Variants in LCA5 observed in about 807,000 individuals in gnomAD.
LCA5 encodes lebercilin.
LCA5 carries 37 observed loss-of-function variants against 53.0 expected under a neutral mutation model. The ratio of observed to expected loss-of-function variants is 0.70; its 90% CI spans 0.54 to 0.92. The LOEUF (loss-of-function observed/expected upper bound fraction) is 0.92. Ranked by LOEUF, LCA5 falls within the 40% of genes least tolerant of loss-of-function variation. The pLI is 0.00. For synonymous variants in LCA5, 303 were observed against 282.9 expected (o/e 1.07, Z -0.71); for missense variants, 806 against 790.5 (o/e 1.02, Z -0.23).
rs761464780 is a variant in LCA5 at position 79,518,910 on chromosome 6, T to A, written c.-16A>T. ...TTTCCCCCATTGTTTTGAAAAATGG[T>A]CTCTATTCACATAATTTCACAGATT... is the stretch of plus-strand genomic sequence containing the variant. On this transcript the variant is annotated 5_prime_UTR_variant, in exon 2 of 8. Transcript: ENST00000369846. 1.9e-6 allele frequency: 3 copies of A among 1,612,138 alleles called. No individual in the cohort carries two copies. The highest frequency in any genetic ancestry group is 3.3e-5 in the Admixed American group (2 of 60,020).
At chr6:79,509,885 C>T (rs1437637837) in intron 3 of LCA5, among the ~76,000 whole-genome samples, 1 of 152,034 alleles carries the variant, frequency 6.6e-6, no homozygotes, top group Non-Finnish European at 1.5e-5. Context: ...ATACTATGTG[C>T]AAGATTGGAA....
intron 3 of LCA5, among the ~76,000 whole-genome samples, chr6:79,505,917 T>C (rs1770261092): frequency 6.6e-6 from 1 of 152,080 alleles, no homozygotes; most frequent in Non-Finnish European, 1.5e-5. Context: ...TCTAGGAAGA[T>C]AAACTAGGAA....
intron 3 of LCA5, among the ~76,000 whole-genome samples, chr6:79,511,525 G>A (rs946860993): frequency 1.3e-5 from 2 of 152,102 alleles, no homozygotes; most frequent in African/African-American, 4.8e-5. Flanking sequence ...TCTTGTGATG[G>A]AATTGGTCTA....
chr6:79,494,665 A>G (rs2127670163), intron 3 of LCA5, among the ~76,000 whole-genome samples: 2 of 152,322 alleles, frequency 1.3e-5, no homozygotes, highest in Middle Eastern at 6.8e-3. Flanking sequence ...TCAGTAAATA[A>G]AACCATAAAT....
rs981854431 is a variant in LCA5 at position 79,513,613 on chromosome 6, C to T, written c.319G>A (p.Ala107Thr). ...TDLVTKRILS[A>T]RLLKINELQN... ...AACTCATTGATTTTTAGCAGTCTTG[C>T]AGACAGAATCCGTTTTGTAACAAGA... The change falls in exon 3 of 8, where the codon GCA (alanine) becomes ACA (threonine). Residue 107 changes from alanine to threonine, a missense_variant. Transcript: ENST00000369846. The T allele has an allele frequency of 6.2e-7, 1 of 1,613,904 alleles. No homozygotes were observed.
chr6:79,533,910 T>A (rs566761934), intron 1 of LCA5, among the ~76,000 whole-genome samples: 5 of 151,888 alleles, frequency 3.3e-5, no homozygotes, highest in African/African-American at 1.2e-4. Flanking sequence ...GCAAAAGAGT[T>A]CACAAAACAG....
intron 3 of LCA5, among the ~76,000 whole-genome samples, chr6:79,499,721 T>C (rs1263448867): frequency 1.3e-5 from 2 of 151,592 alleles, no homozygotes; most frequent in Non-Finnish European, 2.9e-5. Context: ...ATACTTTAAG[T>C]TTTAGGGTAC....
intron 3 of LCA5, among the ~76,000 whole-genome samples, chr6:79,494,350 A>G (rs759602194): frequency 1.3e-5 from 2 of 152,174 alleles, no homozygotes; most frequent in African/African-American, 2.4e-5. Flanking sequence ...ACATCTCTAG[A>G]TAAAAACAAT....
At chr6:79,533,374 T>C (rs1767011216) in intron 1 of LCA5, among the ~76,000 whole-genome samples, 1 of 152,030 alleles carries the variant, frequency 6.6e-6, no homozygotes, top group African/African-American at 2.4e-5. Flanking sequence ...TGAGGGGTAC[T>C]TGTATGTATC....
At chr6:79,502,301 T>C (rs1582628500) in intron 3 of LCA5, among the ~76,000 whole-genome samples, 3 of 152,218 alleles carry the variant, frequency 2.0e-5, no homozygotes, top group Admixed American at 2.0e-4. Context: ...TATTTCTTCA[T>C]CTGCTTTGAG....
chr6:79,512,070 T>G (rs547482267), intron 3 of LCA5, among the ~76,000 whole-genome samples: 1 of 152,302 alleles, frequency 6.6e-6, no homozygotes, highest in African/African-American at 2.4e-5. Context: ...TAATTAGCAT[T>G]CTGTGCGCTT....
At chr6:79,523,078 T>C (rs140479661) in intron 1 of LCA5, among the ~76,000 whole-genome samples, 1 of 152,210 alleles carries the variant, frequency 6.6e-6, no homozygotes, top group Non-Finnish European at 1.5e-5. Context: ...GACTTTTGAA[T>C]TAATTATTCT....
chr6:79,508,314 T>C (rs1432633317), intron 3 of LCA5, among the ~76,000 whole-genome samples: 1 of 152,162 alleles, frequency 6.6e-6, no homozygotes, highest in East Asian at 1.9e-4. Context: ...CAGTTATCCA[T>C]TTCTAAACTA....
intron 3 of LCA5, among the ~76,000 whole-genome samples, chr6:79,498,066 A>C (rs961261246): frequency 6.6e-6 from 1 of 152,056 alleles, no homozygotes; most frequent in Admixed American, 6.6e-5. Flanking sequence ...GTATAACCAT[A>C]ATTTTACTAT....
chr6:79,511,608 C>T (rs143896607), intron 3 of LCA5, among the ~76,000 whole-genome samples: 1 of 152,024 alleles, frequency 6.6e-6, no homozygotes, highest in African/African-American at 2.4e-5. Flanking sequence ...TACACACACA[C>T]GTAAAACTAG....
chr6:79,487,796 T>C lies in LCA5; in HGVS notation c.1302A>G (p.Pro434=), dbSNP rs1036130403. ...KASLLEREEK[P]EWETGRYQLG... Reference sequence around the variant, plus strand: ...GTTGGTACCTTCCAGTTTCCCACTCTGGCTTTTCTTCTCTTTCCAGTAAAG... The same window carrying C: ...GTTGGTACCTTCCAGTTTCCCACTCCGGCTTTTCTTCTCTTTCCAGTAAAG... Residue 434 remains proline (P), a synonymous_variant, in exon 8 of 8, where the codon CCA becomes CCG. Coordinates refer to ENST00000369846, the MANE Select transcript of LCA5 (RefSeq NM_001122769.3). 1 of 1,611,410 alleles carries C rather than the reference T, an allele frequency of 6.2e-7. No individual in the cohort carries two copies. The highest frequency in any genetic ancestry group is 8.5e-7 in the Non-Finnish European group (1 of 1,178,988).
chr6:79,503,999 T>C (rs9443678), intron 3 of LCA5, among the ~76,000 whole-genome samples: 3,801 of 152,234 alleles, frequency 0.025, 152 homozygotes, highest in African/African-American at 0.087. Flanking sequence ...TTCATAAAAA[T>C]GCAAATGCCT....
intron 2 of LCA5, among the ~76,000 whole-genome samples, chr6:79,516,126 T>C (rs200108641): frequency 7.0e-6 from 1 of 143,448 alleles, no homozygotes; most frequent in Non-Finnish European, 1.6e-5. Context: ...ATTTCATTTG[T>C]TTTTTTTTTA....
At chr6:79,531,463 A>T (rs550861096) in intron 1 of LCA5, among the ~76,000 whole-genome samples, 7 of 152,134 alleles carry the variant, frequency 4.6e-5, no homozygotes, top group African/African-American at 1.7e-4. Flanking sequence ...TTTTCCAATA[A>T]TTTTTTGAAG....
Sources: gnomAD v4.1 joint callset for allele counts (sites outside exome capture counted in the v4.1 genomes callset) on GRCh38, gnomAD v4.1.1 for gene constraint, MANE v1.5 for transcripts, NCBI Gene and HGNC (gene_info 2026-07-23, HGNC 2026-07-21) for gene names.